Variants in SLIT3 observed in about 807,000 individuals in gnomAD.
SLIT3 encodes the protein slit guidance ligand 3.
SLIT3 carries 68 observed loss-of-function variants against 184.0 expected under a neutral mutation model. The ratio of observed to expected loss-of-function variants is 0.37; its 90% CI spans 0.30 to 0.45. The LOEUF (loss-of-function observed/expected upper bound fraction) is 0.45. Among genes scored for constraint, SLIT3 ranks in the 20% least tolerant of loss-of-function variants. The probability of loss-of-function intolerance (pLI) is 1.00; values close to 1 mark genes in which losing one functional copy is unlikely to be tolerated. For synonymous variants in SLIT3, 831 were observed against 828.6 expected (o/e 1.00, Z -0.05); for missense variants, 1,707 against 2,026.0 (o/e 0.84, Z 3.02).
chr5:168,812,161 T>C (rs960856272), intron 8 of SLIT3, among the ~76,000 whole-genome samples: 4 of 152,148 alleles, frequency 2.6e-5, no homozygotes, highest in African/African-American at 9.7e-5. Flanking sequence ...GTTGATCTCA[T>C]AGAAGTAGAA....
intron 6 of SLIT3, 91 bp from the exon 7 acceptor site, chr5:168,823,422 A>C: frequency 7.7e-6 from 7 of 913,782 alleles, no homozygotes; most frequent in Non-Finnish European, 1.3e-5. Context: ...GATGGTTGTG[A>C]CCGCAAGACC....
At chr5:168,672,062 T>A (rs1282267174) in intron 33 of SLIT3, among the ~76,000 whole-genome samples, 1 of 152,208 alleles carries the variant, frequency 6.6e-6, no homozygotes, top group Non-Finnish European at 1.5e-5. Context: ...AAAGACCTAA[T>A]TTGCTTTTCA....
chr5:168,889,178 G>T (rs1052927766), intron 4 of SLIT3, among the ~76,000 whole-genome samples: 2 of 152,178 alleles, frequency 1.3e-5, no homozygotes, highest in Admixed American at 6.5e-5. Flanking sequence ...ATTCTACAAT[G>T]TGGACTTCAG....
At chr5:169,255,192 T>C (rs534536355) in intron 1 of SLIT3, among the ~76,000 whole-genome samples, 36 of 152,358 alleles carry the variant, frequency 2.4e-4, no homozygotes, top group African/African-American at 8.4e-4. Flanking sequence ...GTATTTACTA[T>C]GCCATACTGT....
intron 4 of SLIT3, among the ~76,000 whole-genome samples, chr5:169,189,819 C>T (rs1763492060): frequency 6.6e-6 from 1 of 151,954 alleles, no homozygotes; most frequent in Non-Finnish European, 1.5e-5. Context: ...AGTACCTATC[C>T]CACAGAGTTG....
At chr5:169,150,896 G>C (rs965027452) in intron 4 of SLIT3, among the ~76,000 whole-genome samples, 1 of 152,132 alleles carries the variant, frequency 6.6e-6, no homozygotes, top group African/African-American at 2.4e-5. Context: ...GATTTCATGC[G>C]GGAGATGCTG....
intron 8 of SLIT3, among the ~76,000 whole-genome samples, chr5:168,807,943 G>A (rs986736449): frequency 5.3e-5 from 8 of 152,130 alleles, no homozygotes; most frequent in African/African-American, 1.9e-4. Flanking sequence ...TCCTGCAGGG[G>A]CTCCAGTTGA....
At chr5:168,746,296 G>GT (rs1491095241) in intron 20 of SLIT3, among the ~76,000 whole-genome samples, 62 of 149,286 alleles carry the variant, frequency 4.2e-4, no homozygotes, top group African/African-American at 7.4e-5. Context: ...GGTGGTATGT[G>GT]GGTGTGGTGG....
chr5:169,049,840 G>A (rs1325232994), intron 4 of SLIT3, among the ~76,000 whole-genome samples: 1 of 152,190 alleles, frequency 6.6e-6, no homozygotes, highest in Non-Finnish European at 1.5e-5. Flanking sequence ...AGTTCCCAGG[G>A]TGGGTTTGTG....
chr5:168,707,956 G>T lies in SLIT3; in HGVS notation c.2844+20C>A. 1 of 1,613,894 alleles carries T rather than the reference G, an allele frequency of 6.2e-7. No homozygotes were observed. Among genetic ancestry groups the T allele is most frequent in the Non-Finnish European group, 8.5e-7 (1 of 1,179,898 alleles). On this transcript the variant is annotated intron_variant, in intron 26 of 35. Transcript: ENST00000519560. ...AGGAGCCTGAGGCATGAACACGGGG[G>T]GGCAGGGCCTCCAGCATACCTTGTA... is the stretch of plus-strand genomic sequence containing the variant.
chr5:168,948,152 G>A (rs1379140124), intron 4 of SLIT3, among the ~76,000 whole-genome samples: 1 of 152,148 alleles, frequency 6.6e-6, no homozygotes, highest in Non-Finnish European at 1.5e-5. Flanking sequence ...GAATGACTGT[G>A]TGCCACACTT....
At chr5:168,727,695 G>T (rs1476144519) in intron 20 of SLIT3, among the ~76,000 whole-genome samples, 2 of 152,228 alleles carry the variant, frequency 1.3e-5, no homozygotes, top group Non-Finnish European at 2.9e-5. Flanking sequence ...AGGCTGTGGG[G>T]TATTTGCATT....
At chr5:168,974,210 A>G (rs754379047) in intron 4 of SLIT3, among the ~76,000 whole-genome samples, 2 of 152,182 alleles carry the variant, frequency 1.3e-5, no homozygotes, top group Non-Finnish European at 2.9e-5. Context: ...CCACCCAGTA[A>G]GTTCTCTTGC....
intron 5 of SLIT3, among the ~76,000 whole-genome samples, chr5:168,873,888 C>T (rs991961259): frequency 1.3e-5 from 2 of 152,018 alleles, no homozygotes; most frequent in African/African-American, 4.8e-5. Flanking sequence ...AGAATCAGAA[C>T]ATCAACGAAT....
Position 169,210,817 on chromosome 5 carries a change from C to T in SLIT3, c.342-17267G>A, listed in dbSNP as rs1764240346. Among the ~76,000 whole-genome samples the T allele has an allele frequency of 3.9e-5, 6 of 152,162 alleles. No homozygotes were observed. The South Asian group carries it at 1.2e-3, about 32-fold the overall frequency. Reference sequence around the variant, plus strand: ...TGGTTCATTGTTTCCAATTCTTCCGCACACTAGTAGAATTATACACCCAAG... The same window carrying T: ...TGGTTCATTGTTTCCAATTCTTCCGTACACTAGTAGAATTATACACCCAAG... On this transcript the variant is annotated intron_variant, in intron 3 of 35. Coordinates refer to ENST00000519560, the MANE Select transcript of SLIT3 (RefSeq NM_003062.4).
At position 169,279,445 on chromosome 5, in the gene SLIT3, A is replaced by G. The variant is rs990871140; in HGVS notation, c.197+21068T>C. On this transcript the variant is annotated intron_variant, in intron 1 of 35. Coordinates refer to ENST00000519560, the MANE Select transcript of SLIT3 (RefSeq NM_003062.4). ...GGAAACCTGAGGTTCTGAGTTAGGA[A>G]CTAGCTGAATCTGTATGCATACATA... Among the ~76,000 whole-genome samples the G allele has an allele frequency of 3.3e-5, 5 of 152,240 alleles. 1 individual carries two copies. The highest frequency in any genetic ancestry group is 2.0e-4 in the Admixed American group (3 of 15,288).
intron 4 of SLIT3, among the ~76,000 whole-genome samples, chr5:169,137,298 A>C (rs1342977380): frequency 2.3e-5 from 3 of 132,846 alleles, no homozygotes; most frequent in African/African-American, 8.7e-5. Flanking sequence ...TTCTCTTTCT[A>C]TCTACATACA....
At chr5:169,006,507 GT>G (rs1420965351) in intron 4 of SLIT3, among the ~76,000 whole-genome samples, 1 of 151,378 alleles carries the variant, frequency 6.6e-6, no homozygotes, top group Non-Finnish European at 1.5e-5. Context: ...AGAGGGTTTT[GT>G]TTTTTAAACA....
chr5:168,759,325 T>G (rs988079611), intron 16 of SLIT3, among the ~76,000 whole-genome samples: 1 of 152,240 alleles, frequency 6.6e-6, no homozygotes, highest in Non-Finnish European at 1.5e-5. Context: ...GTTATATGTA[T>G]GCTTCTGTTT....
Sources: gnomAD v4.1 joint callset for allele counts (sites outside exome capture counted in the v4.1 genomes callset) on GRCh38, gnomAD v4.1.1 for gene constraint, MANE v1.5 for transcripts, NCBI Gene and HGNC (gene_info 2026-07-23, HGNC 2026-07-21) for gene names.